METTL25: variants seen among roughly 807,000 people sequenced by gnomAD.
METTL25 encodes methyltransferase like 25.
A neutral mutation model predicts 71.6 loss-of-function variants in METTL25; 64 were observed. That is an observed-to-expected ratio of 0.89 (90% CI 0.73 to 1.10). The LOEUF (loss-of-function observed/expected upper bound fraction) is 1.10, where lower values mean the gene tolerates loss of function less well. Among genes scored for constraint, METTL25 ranks in the 50% least tolerant of loss-of-function variants. The pLI is 0.00. For missense variants in METTL25, 807 were observed against 707.0 expected (o/e 1.14, Z -1.60); for synonymous variants, 287 against 250.3 (o/e 1.15, Z -1.38).
At chr12:82,461,191 A>G (rs1891852755) in intron 9 of METTL25, among the ~76,000 whole-genome samples, 1 of 152,228 alleles carries the variant, frequency 6.6e-6, no homozygotes, top group Admixed American at 6.5e-5. Flanking sequence ...TAACAGAAGA[A>G]AAGAGTATAC....
intron 8 of METTL25, 37 bp from the exon 9 acceptor site, chr12:82,456,690 T>A: frequency 7.9e-7 from 1 of 1,260,382 alleles, no homozygotes; most frequent in Non-Finnish European, 1.1e-6. Flanking sequence ...AAATTTACAT[T>A]GGAAAAACTA....
intron 9 of METTL25, among the ~76,000 whole-genome samples, chr12:82,459,715 G>C (rs1227231082): frequency 1.3e-5 from 2 of 152,130 alleles, no homozygotes; most frequent in Admixed American, 1.3e-4. Flanking sequence ...ACACAGATGA[G>C]GAAAGAATCT....
chr12:82,443,555 A>T (rs575804944), intron 8 of METTL25, among the ~76,000 whole-genome samples: 6 of 152,198 alleles, frequency 3.9e-5, no homozygotes, highest in Admixed American at 3.9e-4. Context: ...GTCCATTTCT[A>T]TGTGGCTATA....
intron 3 of METTL25, among the ~76,000 whole-genome samples, chr12:82,391,409 T>G (rs560984753): frequency 6.6e-6 from 1 of 152,184 alleles, no homozygotes; most frequent in African/African-American, 2.4e-5. Flanking sequence ...TGTGTAAGAT[T>G]TATTTACACT....
chr12:82,408,496 A>G (rs1035644427), intron 5 of METTL25, among the ~76,000 whole-genome samples: 3 of 152,098 alleles, frequency 2.0e-5, no homozygotes, highest in Non-Finnish European at 2.9e-5. Flanking sequence ...AAACAAATTC[A>G]AGGAGAAAAA....
At chr12:82,431,709 G>A (rs1889513532) in intron 6 of METTL25, among the ~76,000 whole-genome samples, 1 of 151,500 alleles carries the variant, frequency 6.6e-6, no homozygotes, top group Non-Finnish European at 1.5e-5. Flanking sequence ...ATGCTGCTCA[G>A]CTTATGATGG....
intron 9 of METTL25, among the ~76,000 whole-genome samples, chr12:82,471,172 T>C (rs1398891207): frequency 1.3e-5 from 2 of 152,186 alleles, no homozygotes; most frequent in Non-Finnish European, 2.9e-5. Flanking sequence ...CATACTACAG[T>C]GTTTTCTTAA....
chr12:82,374,778 T>C (rs1883649306), intron 1 of METTL25, among the ~76,000 whole-genome samples: 1 of 152,234 alleles, frequency 6.6e-6, no homozygotes, highest in South Asian at 2.1e-4. Context: ...AGCAAAGTAT[T>C]AATATATTTT....
At chr12:82,447,264 T>TA (rs1890825741) in intron 8 of METTL25, among the ~76,000 whole-genome samples, 1 of 152,254 alleles carries the variant, frequency 6.6e-6, no homozygotes, top group African/African-American at 2.4e-5. Flanking sequence ...GACAAAGTCT[T>TA]ACATGTTTGC....
At chr12:82,403,918 C>G (rs910447963) in intron 5 of METTL25, among the ~76,000 whole-genome samples, 1 of 152,000 alleles carries the variant, frequency 6.6e-6, no homozygotes, top group Non-Finnish European at 1.5e-5. Flanking sequence ...AGTTTTAGAT[C>G]GGGAATTTTT....
intron 6 of METTL25, 111 bp from the exon 7 acceptor site, chr12:82,434,584 T>A: frequency 3.6e-6 from 3 of 828,952 alleles, no homozygotes; most frequent in Non-Finnish European, 6.1e-6. Context: ...TTACATATTA[T>A]CACATAATTA....
At chr12:82,394,650 G>T (rs912264669) in intron 3 of METTL25, among the ~76,000 whole-genome samples, 1 of 151,918 alleles carries the variant, frequency 6.6e-6, no homozygotes, top group Non-Finnish European at 1.5e-5. Flanking sequence ...TGCCCTAGTG[G>T]CATTTATGTT....
chr12:82,473,378 A>G (rs1010929913), intron 9 of METTL25, among the ~76,000 whole-genome samples: 1 of 152,074 alleles, frequency 6.6e-6, no homozygotes, highest in Non-Finnish European at 1.5e-5. Flanking sequence ...CAGCTGACCT[A>G]GGGCATGTCG....
chr12:82,369,350 T>C, intron 1 of METTL25: 1 of 367,234 alleles, frequency 2.7e-6, no homozygotes, highest in South Asian at 2.1e-5. Flanking sequence ...AGGTACAAAT[T>C]CAATGTTTTG....
chr12:82,451,910 A>G (rs1195063450), intron 8 of METTL25, among the ~76,000 whole-genome samples: 1 of 152,106 alleles, frequency 6.6e-6, no homozygotes, highest in African/African-American at 2.4e-5. Flanking sequence ...TTAGGAACAC[A>G]GTGTGACATC....
At chr12:82,451,290 G>A (rs1191643914) in intron 8 of METTL25, 1 of 978,340 alleles carries the variant, frequency 1.0e-6, no homozygotes, top group African/African-American at 1.8e-5. Context: ...CTAATAGTTT[G>A]GTGAGAGACA....
intron 3 of METTL25, among the ~76,000 whole-genome samples, chr12:82,396,614 C>CT (rs1462171143): frequency 6.6e-6 from 1 of 151,754 alleles, no homozygotes; most frequent in Non-Finnish European, 1.5e-5. Context: ...ACTTTTTATT[C>CT]TTATTTTTTG....
chr12:82,460,381 T>C (rs1891783467), intron 9 of METTL25, among the ~76,000 whole-genome samples: 1 of 152,170 alleles, frequency 6.6e-6, no homozygotes, highest in Non-Finnish European at 1.5e-5. Flanking sequence ...GGCCTGTGCA[T>C]AGTGACTTTT....
chr12:82,415,937 ATAAAT>A (rs889413235), intron 5 of METTL25, among the ~76,000 whole-genome samples: 30 of 152,164 alleles, frequency 2.0e-4, no homozygotes, highest in African/African-American at 7.0e-4. Context: ...ATCAGAGATA[ATAAAT>A]TTAATCATTG....
Sources: gnomAD v4.1 joint callset for allele counts (sites outside exome capture counted in the v4.1 genomes callset) on GRCh38, gnomAD v4.1.1 for gene constraint, MANE v1.5 for transcripts, NCBI Gene and HGNC (gene_info 2026-07-23, HGNC 2026-07-21) for gene names.